KAZN: variants seen among roughly 807,000 people sequenced by gnomAD.
KAZN encodes kazrin, periplakin interacting protein, also known as kazrin.
Under a neutral mutation model 87.4 loss-of-function variants are expected in KAZN, and 40 were observed. That is an observed-to-expected ratio of 0.46 (90% CI 0.36 to 0.60). KAZN has a LOEUF of 0.60. Among genes scored for constraint, KAZN ranks in the 20% least tolerant of loss-of-function variants. The probability of loss-of-function intolerance (pLI) is 0.00; values close to 1 mark genes in which losing one functional copy is unlikely to be tolerated. For synonymous variants in KAZN, 466 were observed against 458.3 expected, an observed-to-expected ratio of 1.02 and a Z score of -0.22; for missense variants, 898 against 1,073.9, an observed-to-expected ratio of 0.84 and a Z score of 2.29.
At chr1:14,540,186 T>C (rs1018658577) in intron 2 of KAZN, among the ~76,000 whole-genome samples, 1 of 152,296 alleles carries the variant, frequency 6.6e-6, no homozygotes, top group Middle Eastern at 3.4e-3. Flanking sequence ...TTCGCATCAG[T>C]GCTTTGGAGG....
At chr1:13,988,408 T>A (rs1345351288) in intron 1 of KAZN, among the ~76,000 whole-genome samples, 1 of 152,158 alleles carries the variant, frequency 6.6e-6, no homozygotes, top group East Asian at 1.9e-4. Flanking sequence ...ATTGTCCAAA[T>A]AGGTATTCAA....
At chr1:15,068,878 A>G (rs1429300121) in intron 8 of KAZN, among the ~76,000 whole-genome samples, 2 of 152,140 alleles carry the variant, frequency 1.3e-5, no homozygotes, top group African/African-American at 4.8e-5. Context: ...GCATAAAGCT[A>G]TGTAATACAG....
At chr1:14,378,389 A>G (rs537867454) in intron 2 of KAZN, among the ~76,000 whole-genome samples, 1 of 152,346 alleles carries the variant, frequency 6.6e-6, no homozygotes, top group African/African-American at 2.4e-5. Flanking sequence ...TTTAACAACT[A>G]TCTGCACGAA....
chr1:14,827,547 C>A (rs74460649), intron 1 of KAZN, among the ~76,000 whole-genome samples: 1 of 152,160 alleles, frequency 6.6e-6, no homozygotes, highest in South Asian at 2.1e-4. Context: ...ATTTGCCTCC[C>A]CCTGCACACT....
chr1:13,915,232 CA>C (rs1008264088), intron 1 of KAZN, among the ~76,000 whole-genome samples: 2 of 151,938 alleles, frequency 1.3e-5, no homozygotes, highest in Non-Finnish European at 2.9e-5. Flanking sequence ...ATGGCGAAAC[CA>C]AAAAAATCTT....
At chr1:14,781,982 T>A (rs1321933948) in intron 1 of KAZN, among the ~76,000 whole-genome samples, 1 of 152,218 alleles carries the variant, frequency 6.6e-6, no homozygotes, top group Non-Finnish European at 1.5e-5. Flanking sequence ...TTGGACAAGT[T>A]CTATCACCTC....
At chr1:14,371,397 T>C (rs1384041730) in intron 2 of KAZN, among the ~76,000 whole-genome samples, 1 of 152,200 alleles carries the variant, frequency 6.6e-6, no homozygotes, top group Non-Finnish European at 1.5e-5. Flanking sequence ...ACCATGCTTT[T>C]AGGGATCAAG....
chr1:14,371,576 A>T (rs1660487278), intron 2 of KAZN, among the ~76,000 whole-genome samples: 1 of 152,258 alleles, frequency 6.6e-6, no homozygotes, highest in African/African-American at 2.4e-5. Flanking sequence ...TCTAAAGAAG[A>T]GAGTTTCTTG....
intron 2 of KAZN, among the ~76,000 whole-genome samples, chr1:14,396,839 A>G (rs1662939156): frequency 6.6e-6 from 1 of 151,944 alleles, no homozygotes; most frequent in South Asian, 2.1e-4. Flanking sequence ...TGTCACCTAA[A>G]TGCCTTTTCT....
At chr1:15,023,348 G>A (rs555581521) in intron 2 of KAZN, among the ~76,000 whole-genome samples, 94 of 152,322 alleles carry the variant, frequency 6.2e-4, no homozygotes, top group African/African-American at 2.1e-3. Context: ...ACAGGGAAGG[G>A]TGTCCAGGGA....
chr1:13,893,810 C>T (rs1444124487), intron 1 of KAZN: 3 of 1,540,850 alleles, frequency 1.9e-6, no homozygotes, highest in Non-Finnish European at 2.6e-6. Flanking sequence ...GGAGCGTTAT[C>T]CCGGGTCCCC....
At chr1:14,882,819 A>G (rs999673497) in intron 1 of KAZN, among the ~76,000 whole-genome samples, 1 of 152,192 alleles carries the variant, frequency 6.6e-6, no homozygotes. Context: ...ATTTCATTTA[A>G]GTCTCATAAT....
At chr1:14,525,249 A>G (rs548727023) in intron 2 of KAZN, among the ~76,000 whole-genome samples, 1 of 152,270 alleles carries the variant, frequency 6.6e-6, no homozygotes, top group African/African-American at 2.4e-5. Flanking sequence ...CTTGCCAGCC[A>G]TACAGAATTA....
intron 1 of KAZN, among the ~76,000 whole-genome samples, chr1:13,961,257 C>T (rs938954655): frequency 4.6e-5 from 7 of 152,168 alleles, no homozygotes; most frequent in African/African-American, 1.7e-4. Context: ...AAACCATAAA[C>T]TGCACTCAAA....
At chr1:14,362,037 C>T (rs1320845893) in intron 2 of KAZN, among the ~76,000 whole-genome samples, 1 of 152,132 alleles carries the variant, frequency 6.6e-6, no homozygotes, top group Non-Finnish European at 1.5e-5. Flanking sequence ...TCAGAAACTG[C>T]CCAAAAGCCA....
In KAZN at chr1:14,735,057, T is replaced by G. The variant is rs1314195924; in HGVS notation, c.226+135834T>G. The stretch of plus-strand genomic sequence containing the variant: ...AGCACAGGATGCTAAATGGTCATGC[T>G]GGTTTTTTTTGTTTTGTTTTGAGAC... On this transcript the variant is annotated intron_variant, in intron 1 of 14. Transcript: ENST00000376030. The surrounding 1 kb of genome is among the most constrained non-coding windows in gnomAD (Gnocchi z 4.3). 1.3e-5 allele frequency among the ~76,000 whole-genome samples: 2 copies of G among 150,856 alleles called. No individual in the cohort carries two copies. Among genetic ancestry groups the G allele is most frequent in the Admixed American group, 6.6e-5 (1 of 15,260 alleles).
rs575515420 is a variant in KAZN at position 14,710,705 on chromosome 1, C to A, written c.226+111482C>A. Among the ~76,000 whole-genome samples the A allele has an allele frequency of 3.9e-5, 6 of 152,294 alleles. No individual in the cohort carries two copies. The South Asian group carries it at 1.2e-3, about 32-fold the overall frequency. ...TCCATTGCCCCAGCCCTCGCTGTCTCCCTTTCCCTGCTTCATTTGTCCCAC... is the reference window on the plus strand; with the variant it reads ...TCCATTGCCCCAGCCCTCGCTGTCTACCTTTCCCTGCTTCATTTGTCCCAC... On this transcript the variant is annotated intron_variant, in intron 1 of 14. Coordinates refer to ENST00000376030, the MANE Select transcript of KAZN (RefSeq NM_201628.3).
intron 2 of KAZN, among the ~76,000 whole-genome samples, chr1:15,015,131 T>TA (rs1204259591): frequency 5.4e-5 from 8 of 147,342 alleles, no homozygotes; most frequent in African/African-American, 1.8e-4. Context: ...AAGTTTTTTC[T>TA]TTTTATTTAT....
intron 1 of KAZN, among the ~76,000 whole-genome samples, chr1:14,932,856 C>T (rs1306815411): frequency 2.0e-5 from 3 of 151,800 alleles, no homozygotes; most frequent in African/African-American, 7.3e-5. Flanking sequence ...AACCATTGTT[C>T]GATATTCAAT....
Sources: gnomAD v4.1 joint callset for allele counts (sites outside exome capture counted in the v4.1 genomes callset) on GRCh38, gnomAD v4.1.1 for gene constraint, Gnocchi (gnomAD v3.1) non-coding constraint, MANE v1.5 for transcripts, NCBI Gene and HGNC (gene_info 2026-07-23, HGNC 2026-07-21) for gene names.